ARSB: variants seen among roughly 807,000 people sequenced by gnomAD.
The protein encoded by ARSB is N-acetylgalactosamine-4-sulfatase.
Under a neutral mutation model 50.9 loss-of-function variants are expected in ARSB, and 41 were observed. The observed-to-expected ratio is 0.81, with a 90% CI of 0.63 to 1.04. The LOEUF (loss-of-function observed/expected upper bound fraction) is 1.04. Ranked by LOEUF, ARSB falls within the 50% of genes least tolerant of loss-of-function variation. The pLI, the probability that ARSB is intolerant of heterozygous loss-of-function variation, is 0.00. For synonymous variants in ARSB, 269 were observed against 284.8 expected, an observed-to-expected ratio of 0.94 and a Z score of 0.56; for missense variants, 672 against 693.3, an observed-to-expected ratio of 0.97 and a Z score of 0.35.
chr5:78,923,029 C>T (rs1455571029), intron 4 of ARSB, among the ~76,000 whole-genome samples: 1 of 152,150 alleles, frequency 6.6e-6, no homozygotes, highest in African/African-American at 2.4e-5. Context: ...TTGAAATTAT[C>T]TTTGCTTGGA....
chr5:78,984,874 G>A (rs1753084552), intron 1 of ARSB, 63 bp downstream of exon 1: 3 of 1,236,210 alleles, frequency 2.4e-6, no homozygotes, highest in South Asian at 3.1e-5. Context: ...GGCCGGGTAG[G>A]AGCGGCAGGG....
At chr5:78,982,826 G>T (rs771267224) in intron 1 of ARSB, among the ~76,000 whole-genome samples, 4 of 152,074 alleles carry the variant, frequency 2.6e-5, no homozygotes, top group Non-Finnish European at 4.4e-5. Context: ...GAATAAAGTG[G>T]GTGAGAAAAC....
chr5:78,869,166 G>C (rs1746977811), intron 5 of ARSB, among the ~76,000 whole-genome samples: 1 of 136,612 alleles, frequency 7.3e-6, no homozygotes, highest in African/African-American at 2.9e-5. Context: ...CATAAAGCAA[G>C]TCCTGAGTGA....
At chr5:78,911,719 G>A (rs12655738) in intron 4 of ARSB, among the ~76,000 whole-genome samples, 44,058 of 150,852 alleles carry the variant, frequency 0.29, 6,689 homozygotes, top group Middle Eastern at 0.36. Flanking sequence ...CAGAAAAGAT[G>A]AAGTGTTGAA....
At chr5:78,939,744 A>G (rs1240634643) in intron 4 of ARSB, among the ~76,000 whole-genome samples, 4 of 152,166 alleles carry the variant, frequency 2.6e-5, no homozygotes, top group South Asian at 2.1e-4. Flanking sequence ...ATAAACATAC[A>G]TGTGCATGTG....
chr5:78,910,204 G>C (rs532975056), intron 4 of ARSB, among the ~76,000 whole-genome samples: 1 of 152,186 alleles, frequency 6.6e-6, no homozygotes, highest in Non-Finnish European at 1.5e-5. Context: ...GAGGAAACCC[G>C]GGGACCGGTG....
At chr5:78,783,077 TG>T (rs2112620883) in intron 6 of ARSB, among the ~76,000 whole-genome samples, 1 of 152,302 alleles carries the variant, frequency 6.6e-6, no homozygotes, top group East Asian at 1.9e-4. Context: ...CTTATGCCTA[TG>T]GTTGAGGCCT....
At chr5:78,893,628 A>G (rs1748434216) in intron 4 of ARSB, among the ~76,000 whole-genome samples, 1 of 152,262 alleles carries the variant, frequency 6.6e-6, no homozygotes, top group African/African-American at 2.4e-5. Context: ...AATTTATTAC[A>G]TATTGGCAAG....
chr5:78,831,819 C>A (rs1429145977), intron 6 of ARSB, among the ~76,000 whole-genome samples: 1 of 152,120 alleles, frequency 6.6e-6, no homozygotes, highest in Non-Finnish European at 1.5e-5. Context: ...ACTCTTGATT[C>A]TGCTTAATAT....
At chr5:78,939,632 A>AT (rs1280158347) in intron 4 of ARSB, among the ~76,000 whole-genome samples, 3 of 152,142 alleles carry the variant, frequency 2.0e-5, no homozygotes, top group Admixed American at 1.3e-4. Context: ...TTATGGCTGC[A>AT]AGTATTCCAT....
chr5:78,808,531 G>A (rs1374522013), intron 6 of ARSB, among the ~76,000 whole-genome samples: 1 of 152,136 alleles, frequency 6.6e-6, no homozygotes, highest in Non-Finnish European at 1.5e-5. Flanking sequence ...TGGCTGGGAG[G>A]ATGCTGTTCT....
intron 4 of ARSB, among the ~76,000 whole-genome samples, chr5:78,921,459 C>T (rs1749810329): frequency 6.6e-6 from 1 of 152,134 alleles, no homozygotes; most frequent in Non-Finnish European, 1.5e-5. Flanking sequence ...TAAAACATCT[C>T]ATCAATAACT....
At chr5:78,921,230 A>C (rs561210910) in intron 4 of ARSB, among the ~76,000 whole-genome samples, 1 of 152,270 alleles carries the variant, frequency 6.6e-6, no homozygotes, top group South Asian at 2.1e-4. Flanking sequence ...CTCACTCTCC[A>C]ATGACCACCA....
At chr5:78,886,272 C>A (rs979651226) in intron 4 of ARSB, among the ~76,000 whole-genome samples, 1 of 152,138 alleles carries the variant, frequency 6.6e-6, no homozygotes, top group Non-Finnish European at 1.5e-5. Context: ...AAAAACTGAC[C>A]TTTTTCTTTT....
intron 4 of ARSB, among the ~76,000 whole-genome samples, chr5:78,922,785 A>G (rs902635050): frequency 2.0e-5 from 3 of 151,828 alleles, no homozygotes; most frequent in Admixed American, 6.6e-5. Context: ...GGTTCTTAGC[A>G]TTTCTGGAGC....
chr5:78,967,967 C>T (rs2112525367), intron 2 of ARSB, among the ~76,000 whole-genome samples: 1 of 152,250 alleles, frequency 6.6e-6, no homozygotes. Flanking sequence ...GCAAGATACA[C>T]AGGTTATTAA....
chr5:78,787,435 A>G (rs763578066), intron 6 of ARSB, among the ~76,000 whole-genome samples: 2 of 152,214 alleles, frequency 1.3e-5, no homozygotes, highest in Non-Finnish European at 2.9e-5. Flanking sequence ...GACAGGAGGC[A>G]GAGGTTTCTT....
intron 5 of ARSB, among the ~76,000 whole-genome samples, chr5:78,850,613 G>A (rs1047882197): frequency 2.0e-5 from 3 of 152,114 alleles, no homozygotes; most frequent in Non-Finnish European, 4.4e-5. Context: ...TCTATTGATT[G>A]GAATAGTTTC....
At chr5:78,913,981 T>A (rs1335740468) in intron 4 of ARSB, among the ~76,000 whole-genome samples, 1 of 151,402 alleles carries the variant, frequency 6.6e-6, no homozygotes, top group Non-Finnish European at 1.5e-5. Context: ...TTTTTTTTTT[T>A]AGACAAGATA....
Sources: allele counts gnomAD v4.1 joint callset (sites outside exome capture counted in the v4.1 genomes callset), GRCh38; gene constraint gnomAD v4.1.1; transcripts MANE v1.5; gene names NCBI Gene and HGNC (gene_info 2026-07-23, HGNC 2026-07-21).